The following CDKL1 variants were observed in gnomAD, a reference collection of about 807,000 sequenced individuals.
The protein encoded by CDKL1 is cyclin dependent kinase like 1.
CDKL1 carries 41 observed loss-of-function variants against 42.0 expected under a neutral mutation model. That is an observed-to-expected ratio of 0.98 (90% CI 0.76 to 1.27). The LOEUF is 1.27. Ranked by LOEUF, CDKL1 falls within the 50% of genes most tolerant of loss-of-function variation. CDKL1 has a pLI of 0.00. For missense variants in CDKL1, 394 were observed against 428.4 expected (o/e 0.92, Z 0.71); for synonymous variants, 153 against 158.6 (o/e 0.96, Z 0.26).
chr14:50,350,577 A>T (rs1169503444), intron 3 of CDKL1, among the ~76,000 whole-genome samples: 1 of 152,170 alleles, frequency 6.6e-6, no homozygotes, highest in African/African-American at 2.4e-5. Flanking sequence ...TCTTCCTAGT[A>T]AATAGTACTC....
intron 2 of CDKL1, among the ~76,000 whole-genome samples, chr14:50,369,635 C>CACATAT (rs1491492490): frequency 9.0e-6 from 1 of 111,642 alleles, no homozygotes; most frequent in South Asian, 2.6e-4. Flanking sequence ...CACACACACA[C>CACATAT]ATATATATAT....
rs759307102 is a variant in CDKL1, at chr14:50,344,996, T to C, written c.353A>G (p.His118Arg). ...WQTLQAVNFC[H>R]KHNCIHRDVK... The stretch of plus-strand genomic sequence containing the variant: ...GATCATGAGACTTACATTGTGTTTA[T>C]GGCAAAAATTTACAGCTTGCAGTGT... The change falls in exon 4 of 10, where the codon CAT (histidine) becomes CGT (arginine). Residue 118 changes from histidine to arginine, a missense_variant. Coordinates refer to ENST00000395834, the MANE Select transcript of CDKL1 (RefSeq NM_004196.7). 2 of 1,613,962 alleles carry C rather than the reference T, an allele frequency of 1.2e-6. No individual in the cohort carries two copies. Among genetic ancestry groups the C allele is most frequent in the Admixed American group, 1.7e-5 (1 of 60,024 alleles).
At chr14:50,389,689 A>T (rs902802694) in intron 2 of CDKL1, among the ~76,000 whole-genome samples, 3 of 152,186 alleles carry the variant, frequency 2.0e-5, no homozygotes, top group African/African-American at 7.2e-5. Context: ...AATAGTCCAT[A>T]GGGTTATGGA....
chr14:50,373,955 C>A (rs2034658411), intron 2 of CDKL1, among the ~76,000 whole-genome samples: 1 of 152,166 alleles, frequency 6.6e-6, no homozygotes, highest in South Asian at 2.1e-4. Flanking sequence ...AAACTATGTC[C>A]ATATGAAAAC....
intron 2 of CDKL1, among the ~76,000 whole-genome samples, chr14:50,389,495 T>C (rs1386692770): frequency 2.6e-5 from 4 of 152,186 alleles, no homozygotes; most frequent in Admixed American, 6.5e-5. Flanking sequence ...TTTTGCCACC[T>C]GCCAAGAACC....
At position 50,335,373 on chromosome 14, in the gene CDKL1, C is replaced by A. The variant is rs1009900611; in HGVS notation, c.739-752G>T. 4 of 911,830 alleles carry A rather than the reference C, an allele frequency of 4.4e-6. No individual in the cohort carries two copies. In the Admixed American group the frequency reaches 9.8e-5, roughly 22 times the overall value. The allele number at this position is 911,830 out of a possible 1,614,324, so 56.5% of individuals were successfully genotyped here. ...GGAGCTGCAAAATAGATGTTTTTCC[C>A]CTACCCAGGTGAACAGATGCTTCTT... On this transcript the variant is annotated intron_variant, in intron 7 of 9. Transcript: ENST00000395834.
intron 2 of CDKL1, among the ~76,000 whole-genome samples, chr14:50,389,068 C>T (rs1452665364): frequency 1.5e-5 from 2 of 137,556 alleles, no homozygotes; most frequent in Non-Finnish European, 3.0e-5. Context: ...TATTGCACTC[C>T]AGCCTGGGCA....
chr14:50,374,428 A>T (rs1358337216), intron 2 of CDKL1, among the ~76,000 whole-genome samples: 1 of 152,256 alleles, frequency 6.6e-6, no homozygotes, highest in Non-Finnish European at 1.5e-5. Context: ...AAGTGTTAAA[A>T]AATCATGTAG....
intron 3 of CDKL1, among the ~76,000 whole-genome samples, chr14:50,353,648 GTA>G (rs2033969623): frequency 6.6e-6 from 1 of 152,054 alleles, no homozygotes; most frequent in Non-Finnish European, 1.5e-5. Flanking sequence ...AGAAATCATG[GTA>G]TATTCATACA....
intron 2 of CDKL1, chr14:50,378,247 T>G: frequency 7.3e-7 from 1 of 1,366,392 alleles, no homozygotes; most frequent in Non-Finnish European, 9.8e-7. Flanking sequence ...CCTCCTTAGA[T>G]TCTACCCCAC....
At position 50,328,161 on chromosome 14, in the gene CDKL1, T is replaced by C. The variant is rs1263807608; in HGVS notation, c.*1913A>G. 1 of 152,196 alleles carries C rather than the reference T, an allele frequency of 6.6e-6. No individual in the cohort carries two copies. The highest frequency in any genetic ancestry group is 1.9e-4 in the East Asian group (1 of 5,200). The allele number at this position is 152,196 out of a possible 1,614,324, so 9.4% of individuals were successfully genotyped here. On this transcript the variant is annotated 3_prime_UTR_variant, in exon 10 of 10. Coordinates refer to ENST00000395834, the MANE Select transcript of CDKL1 (RefSeq NM_004196.7). Reference sequence around the variant, plus strand: ...AATAGTTTTTGGTAAAACTATTGGCTGAATTATTAGGCTGTTATAGTAATC... The same window carrying C: ...AATAGTTTTTGGTAAAACTATTGGCCGAATTATTAGGCTGTTATAGTAATC...
In CDKL1 at chr14:50,327,499, T is replaced by C. The variant is rs2032753707; in HGVS notation, c.*2575A>G. On this transcript the variant is annotated 3_prime_UTR_variant, in exon 10 of 10. Coordinates refer to ENST00000395834, the MANE Select transcript of CDKL1 (RefSeq NM_004196.7). Reference sequence around the variant, plus strand: ...TTTTTTTTTTGAGACAGACTCTCACTCTGTTGCCCAGGTTGGAGTGCAGTG... The same window carrying C: ...TTTTTTTTTTGAGACAGACTCTCACCCTGTTGCCCAGGTTGGAGTGCAGTG... 7.2e-6 allele frequency: 1 copy of C among 138,318 alleles called. No homozygotes were observed. Among genetic ancestry groups the C allele is most frequent in the Non-Finnish European group, 1.5e-5 (1 of 64,888 alleles). The allele number at this position is 138,318 out of a possible 1,614,324, so 8.6% of individuals were successfully genotyped here.
chr14:50,386,302 C>A (rs1015293993), intron 2 of CDKL1, among the ~76,000 whole-genome samples: 1 of 152,036 alleles, frequency 6.6e-6, no homozygotes, highest in Non-Finnish European at 1.5e-5. Flanking sequence ...CACTATGGCT[C>A]ACACGCCTGT....
intron 2 of CDKL1, among the ~76,000 whole-genome samples, chr14:50,382,487 A>G (rs1274644458): frequency 6.6e-6 from 1 of 152,132 alleles, no homozygotes; most frequent in Non-Finnish European, 1.5e-5. Flanking sequence ...TTTAAAGTGA[A>G]AGACACAAGC....
At chr14:50,360,696 G>A (rs1219184791) in intron 2 of CDKL1, among the ~76,000 whole-genome samples, 3 of 152,092 alleles carry the variant, frequency 2.0e-5, no homozygotes, top group Non-Finnish European at 2.9e-5. Context: ...CTTGAGCCAT[G>A]AACCCGGCCA....
In CDKL1 at chr14:50,334,551, G is replaced by A. The variant is rs769836681; in HGVS notation, c.795+14C>T. On this transcript the variant is annotated intron_variant, in intron 8 of 9. Coordinates refer to ENST00000395834, the MANE Select transcript of CDKL1 (RefSeq NM_004196.7). The stretch of plus-strand genomic sequence containing the variant: ...CTGTGTGCTTCCTGGTCTGTTGGAA[G>A]CCATGATTTTTACCTTTAGGAGCCC... The A allele has an allele frequency of 7.3e-6, 11 of 1,512,944 alleles. No homozygotes were observed. Among genetic ancestry groups the A allele is most frequent in the South Asian group, 5.6e-5 (5 of 88,902 alleles). The allele number at this position is 1,512,944 out of a possible 1,614,324, so 93.7% of individuals were successfully genotyped here.
rs1273187489 is a variant in CDKL1, at chr14:50,329,013, T to G, written c.*1061A>C. 13 of 145,666 alleles carry G rather than the reference T, an allele frequency of 8.9e-5. No individual in the cohort carries two copies. The highest frequency in any genetic ancestry group is 3.3e-4 in the African/African-American group (13 of 39,336). 9.0% of individuals were successfully genotyped at this position (145,666 alleles called of 1,614,324 possible). On this transcript the variant is annotated 3_prime_UTR_variant, in exon 10 of 10. Coordinates refer to ENST00000395834, the MANE Select transcript of CDKL1 (RefSeq NM_004196.7). ...CCTCAATACTTTGGACTACTTAGTG[T>G]AATATATTAGTTGTTAGAATAGCAT...
rs11295551 is a variant in CDKL1, at chr14:50,327,334, CAA to C, written c.*2738_*2739del. The stretch of plus-strand genomic sequence containing the variant: ...TGGGCAACAGATTAAGACCCTGTCT[CAA>C]AAAAAAAAAAAAAAGTGAAAAATAG... On this transcript the variant is annotated 3_prime_UTR_variant, in exon 10 of 10. Transcript: ENST00000395834. The C allele has an allele frequency of 9.1e-4, 114 of 124,938 alleles. No homozygotes were observed. Among genetic ancestry groups the C allele is most frequent in the South Asian group, 1.3e-3 (5 of 3,918 alleles). The allele number at this position is 124,938 out of a possible 1,614,324, so 7.7% of individuals were successfully genotyped here.
intron 3 of CDKL1, among the ~76,000 whole-genome samples, chr14:50,345,474 AACAG>A (rs2033694655): frequency 6.6e-6 from 1 of 152,198 alleles, no homozygotes; most frequent in African/African-American, 2.4e-5. Flanking sequence ...AGTTGCCCCA[AACAG>A]ACAGCCTTGA....
Sources: allele counts gnomAD v4.1 joint callset (sites outside exome capture counted in the v4.1 genomes callset), GRCh38; gene constraint gnomAD v4.1.1; transcripts MANE v1.5; gene names NCBI Gene and HGNC (gene_info 2026-07-23, HGNC 2026-07-21).